Variants in SEZ6 observed in about 807,000 individuals in gnomAD.
SEZ6 encodes the protein seizure related 6 homolog, also known as seizure protein 6 homolog.
In SEZ6, 53 loss-of-function variants were observed where a neutral mutation model predicts 101.0. That is an observed-to-expected ratio of 0.52 (90% CI 0.42 to 0.66). SEZ6 has a LOEUF of 0.66. SEZ6 is among the 30% of genes least tolerant of loss of function. SEZ6 has a pLI of 0.00. For missense variants in SEZ6, 1,102 were observed against 1,289.4 expected, an observed-to-expected ratio of 0.85 and a Z score of 2.23; for synonymous variants, 488 against 512.2, an observed-to-expected ratio of 0.95 and a Z score of 0.64.
At chr17:28,998,316 C>G (rs1011127736) in intron 1 of SEZ6, among the ~76,000 whole-genome samples, 1 of 151,606 alleles carries the variant, frequency 6.6e-6, no homozygotes, top group African/African-American at 2.4e-5. Flanking sequence ...GAGGGAGGGG[C>G]TTGAGGGTAG....
chr17:28,955,579 G>T lies in SEZ6; in HGVS notation c.*383C>A. On this transcript the variant is annotated 3_prime_UTR_variant, in exon 17 of 17. Transcript: ENST00000317338. ...CCATGGTCAAGTTAATCCTGCTGCAGGTTGCCATGCCAGGGCGGGATGGTG... is the reference window on the plus strand; with the variant it reads ...CCATGGTCAAGTTAATCCTGCTGCATGTTGCCATGCCAGGGCGGGATGGTG... 2.1e-6 allele frequency: 1 copy of T among 482,574 alleles called. No individual in the cohort carries two copies. Among genetic ancestry groups the T allele is most frequent in the South Asian group, 1.5e-5 (1 of 64,648 alleles). 29.9% of individuals were successfully genotyped at this position (482,574 alleles called of 1,614,324 possible).
At chr17:28,970,143 C>T (rs573955868) in intron 3 of SEZ6, among the ~76,000 whole-genome samples, 191 bp from the exon 4 acceptor site, 8 of 152,270 alleles carry the variant, frequency 5.3e-5, no homozygotes, top group African/African-American at 1.7e-4. Flanking sequence ...GAGACAGGAC[C>T]GGAAGTTCAG....
At chr17:28,970,086 C>T (rs1366573673) in intron 3 of SEZ6, 134 bp from the exon 4 acceptor site, 2 of 776,468 alleles carry the variant, frequency 2.6e-6, no homozygotes, top group Non-Finnish European at 3.8e-6. Flanking sequence ...AGCCCCCAGG[C>T]CCTGAGCTGG....
chr17:28,970,112 A>G (rs1034380305), intron 3 of SEZ6, among the ~76,000 whole-genome samples, 160 bp from the exon 4 acceptor site: 10 of 152,234 alleles, frequency 6.6e-5, no homozygotes, highest in Non-Finnish European at 1.0e-4. Context: ...TCAGCAGTGC[A>G]GGAGTTGCTC....
intron 4 of SEZ6, 106 bp downstream of exon 4, chr17:28,969,651 C>T (rs930816901): frequency 2.2e-5 from 24 of 1,071,212 alleles, no homozygotes; most frequent in Middle Eastern, 6.2e-4. Flanking sequence ...GTCACTAGCC[C>T]CTCTCTGCTC....
chr17:29,003,069 G>A (rs959419840), intron 1 of SEZ6, among the ~76,000 whole-genome samples: 8 of 152,160 alleles, frequency 5.3e-5, no homozygotes, highest in Non-Finnish European at 1.0e-4. Context: ...CAGTCTCAGC[G>A]GCTTCCACCT....
At chr17:28,977,978 A>G (rs1244608726) in intron 3 of SEZ6, among the ~76,000 whole-genome samples, 1 of 152,160 alleles carries the variant, frequency 6.6e-6, no homozygotes, top group Non-Finnish European at 1.5e-5. Flanking sequence ...AGGAGGAAAC[A>G]GTTGTAGGAA....
chr17:29,004,720 G>A (rs987390077), intron 1 of SEZ6, among the ~76,000 whole-genome samples: 3 of 152,150 alleles, frequency 2.0e-5, no homozygotes, highest in Non-Finnish European at 4.4e-5. Context: ...GGGATGGCAG[G>A]TCTCAACTCC....
At chr17:28,999,275 A>T (rs1157732289) in intron 1 of SEZ6, among the ~76,000 whole-genome samples, 1 of 152,122 alleles carries the variant, frequency 6.6e-6, no homozygotes, top group African/African-American at 2.4e-5. Flanking sequence ...ACTGTAGGGG[A>T]TGAGTGACAC....
At chr17:28,994,150 G>A (rs1424322205) in intron 1 of SEZ6, among the ~76,000 whole-genome samples, 2 of 152,190 alleles carry the variant, frequency 1.3e-5, no homozygotes, top group Non-Finnish European at 2.9e-5. Flanking sequence ...GAGGAGCCTG[G>A]TGAGGCCTTA....
intron 10 of SEZ6, 80 bp downstream of exon 10, chr17:28,958,945 T>G (rs2040927708): frequency 4.2e-6 from 6 of 1,441,708 alleles, no homozygotes; most frequent in South Asian, 1.4e-5. Context: ...GAGACAGCAT[T>G]CAGGCACCTC....
In SEZ6 at chr17:28,956,430, A is replaced by G. The variant is rs2040879888; in HGVS notation, c.2769T>C (p.Ala923=). 13 of 1,563,298 alleles carry G rather than the reference A, an allele frequency of 8.3e-6. No individual in the cohort carries two copies. Among genetic ancestry groups the G allele is most frequent in the Non-Finnish European group, 1.0e-5 (12 of 1,154,020 alleles). Residue 923 remains alanine (A), a synonymous_variant, in exon 15 of 17, where the codon GCT becomes GCC. Transcript: ENST00000317338. ...AGAAGATGGCAGCTGCAATGTGGGC[A>G]GCATCCAGGGTGCTGGAGGCAGCAG... ...KAPAASSTLD[A]AHIAAAIFLP...
Position 29,005,781 on chromosome 17 carries a change from C to T in SEZ6, c.55+34G>A. On this transcript the variant is annotated intron_variant, in intron 1 of 16. Coordinates refer to ENST00000317338, the MANE Select transcript of SEZ6 (RefSeq NM_178860.5). This position sits in a 1 kb window ranked among gnomAD's most constrained non-coding sequence, Gnocchi z 4.8. ...CCCACCCCTGGGGCCCCGCTCCCGC[C>T]CCCGTCCTGCCGCCGGATGCCGGGG... 6.8e-7 allele frequency: 1 copy of T among 1,477,634 alleles called. No homozygotes were observed. The highest frequency in any genetic ancestry group is 2.1e-5 in the Admixed American group (1 of 46,518). The allele number at this position is 1,477,634 out of a possible 1,614,324, so 91.5% of individuals were successfully genotyped here. A position where few individuals can be genotyped will look rare whatever the true frequency, so the allele number is the denominator to read the frequency against.
intron 13 of SEZ6, 89 bp downstream of exon 13, chr17:28,956,956 G>C: frequency 7.1e-7 from 1 of 1,418,302 alleles, no homozygotes; most frequent in African/African-American, 1.4e-5. Flanking sequence ...GGTGGCATGG[G>C]CAGGTGGTTC....
At position 28,959,214 on chromosome 17, in the gene SEZ6, T is replaced by C; in HGVS notation, c.1918A>G (p.Ile640Val). ...AAGGTAAGCACATCACCAGGGCCTATGCGCAGCCTGTGAAGGAGGAGCGTC... is the reference window on the plus strand; with the variant it reads ...AAGGTAAGCACATCACCAGGGCCTACGCGCAGCCTGTGAAGGAGGAGCGTC... ...RIMLDIRVLR[I>V]GPGDVLTFYD... Residue 640 changes from isoleucine to valine, a missense_variant, in exon 10 of 17, where the codon ATA becomes GTA. Physicochemically the swap from Ile to Val is conservative, Grantham distance 29 (BLOSUM62 3). Transcript: ENST00000317338. This position sits in a 1 kb window ranked among gnomAD's most constrained non-coding sequence, Gnocchi z 4.4. 1.2e-6 allele frequency: 2 copies of C among 1,612,766 alleles called. No homozygotes were observed. The highest frequency in any genetic ancestry group is 1.7e-6 in the Non-Finnish European group (2 of 1,179,160).
At position 28,956,399 on chromosome 17, in the gene SEZ6, G is replaced by A. The variant is rs757821990; in HGVS notation, c.2800C>T (p.Leu934=). The A allele has an allele frequency of 1.3e-6, 2 of 1,571,624 alleles. No homozygotes were observed. The highest frequency in any genetic ancestry group is 2.3e-5 in the East Asian group (1 of 42,606). ...CCTACCAACAACACCATCGCCACCAGTGGCAAGAAGATGGCAGCTGCAATG... is the reference window on the plus strand; with the variant it reads ...CCTACCAACAACACCATCGCCACCAATGGCAAGAAGATGGCAGCTGCAATG... The part of the protein sequence containing the change: ...AHIAAAIFLP[L]VAMVLLVGGV... Residue 934 remains leucine (L), a synonymous_variant, in exon 15 of 17, where the codon CTG becomes TTG. Coordinates refer to ENST00000317338, the MANE Select transcript of SEZ6 (RefSeq NM_178860.5).
intron 2 of SEZ6, 89 bp downstream of exon 2, chr17:28,981,282 G>T: frequency 6.8e-7 from 1 of 1,472,432 alleles, no homozygotes; most frequent in Non-Finnish European, 9.0e-7. Context: ...GGGCAGGGCA[G>T]GCTGGCACAG....
rs1178571002 is a variant in SEZ6, at chr17:28,959,377, C to T, written c.1867G>A (p.Val623Met). 3 of 1,613,856 alleles carry T rather than the reference C, an allele frequency of 1.9e-6. No individual in the cohort carries two copies. Among genetic ancestry groups the T allele is most frequent in the East Asian group, 2.2e-5 (1 of 44,872 alleles). ...ATGCGCTTGTCCTCTTCCACATGCA[C>T]ACCCCAGATACAATCCTGCCCACGA... is the stretch of plus-strand genomic sequence containing the variant. ...YGRGQDCIWGVHVEEDKRIML... is the reference protein window; with the variant it reads ...YGRGQDCIWGMHVEEDKRIML... Residue 623 changes from valine to methionine, a missense_variant, in exon 9 of 17, where the codon GTG (valine) becomes ATG (methionine). Physicochemically the swap from Val to Met is conservative, Grantham distance 21 (BLOSUM62 1). Around this residue, in one of 3 missense-constraint regions of SEZ6, gnomAD observed 556 missense variants for 735.1 expected, o/e 0.76. Transcript: ENST00000317338. The surrounding 1 kb of genome is among the most constrained non-coding windows in gnomAD (Gnocchi z 4.4).
At chr17:28,962,248 A>G (rs1019205853) in intron 5 of SEZ6, among the ~76,000 whole-genome samples, 4 of 152,082 alleles carry the variant, frequency 2.6e-5, no homozygotes, top group African/African-American at 9.7e-5. Flanking sequence ...TTCCCAAACT[A>G]ATATTTCTGA....
Sources: gnomAD v4.1 joint callset for allele counts (sites outside exome capture counted in the v4.1 genomes callset) on GRCh38, gnomAD v4.1.1 for gene constraint, gnomAD v4.1.1 regional missense constraint, Gnocchi (gnomAD v3.1) non-coding constraint, MANE v1.5 for transcripts, NCBI Gene and HGNC (gene_info 2026-07-23, HGNC 2026-07-21) for gene names.